The following LVRN variants were observed in gnomAD, a reference collection of about 807,000 sequenced individuals.
The protein encoded by LVRN is aminopeptidase Q.
Under a neutral mutation model 111.4 loss-of-function variants are expected in LVRN, and 99 were observed. The observed-to-expected ratio is 0.89, with a 90% CI of 0.76 to 1.05. The LOEUF (loss-of-function observed/expected upper bound fraction) is 1.05, where lower values mean the gene tolerates loss of function less well. Among genes scored for constraint, LVRN ranks in the 50% least tolerant of loss-of-function variants. The pLI is 0.00. For missense variants in LVRN, 1,414 were observed against 1,206.8 expected (o/e 1.17, Z -2.54); for synonymous variants, 488 against 449.5 (o/e 1.09, Z -1.08).
In LVRN at chr5:116,025,971, C is replaced by G. The variant is rs368071725; in HGVS notation, c.2833-7C>G. ...TGCACTGATCATCTGTCTCTCTGTC[C>G]TTCCAGCTGCAGCAGTTTTTCAGTA... is the stretch of plus-strand genomic sequence containing the variant. On this transcript the variant is annotated splice_polypyrimidine_tract_variant and splice_region_variant and intron_variant, in intron 19 of 19. Transcript: ENST00000357872. 6.2e-7 allele frequency: 1 copy of G among 1,613,404 alleles called. No individual in the cohort carries two copies. Among genetic ancestry groups the G allele is most frequent in the African/African-American group, 1.3e-5 (1 of 74,904 alleles).
intron 1 of LVRN, among the ~76,000 whole-genome samples, 165 bp downstream of exon 1, chr5:115,963,477 C>A (rs1316477110): frequency 6.6e-6 from 1 of 152,130 alleles, no homozygotes; most frequent in Admixed American, 6.6e-5. Context: ...TTTTATTATA[C>A]TTTAAGTTCT....
At chr5:115,975,337 G>A in intron 1 of LVRN, 1 of 281,936 alleles carries the variant, frequency 3.5e-6, no homozygotes, top group Middle Eastern at 7.3e-4. Flanking sequence ...TTTGGGAGTT[G>A]CCAATATGAT....
At chr5:116,000,714 A>C in intron 9 of LVRN, 56 bp downstream of exon 9, 1 of 1,573,962 alleles carries the variant, frequency 6.4e-7, no homozygotes, top group Non-Finnish European at 8.7e-7. Flanking sequence ...TGATACAGGA[A>C]AAGACTGGGA....
Position 116,010,843 on chromosome 5 carries a change from C to T in LVRN, c.2196C>T (p.Thr732=), listed in dbSNP as rs1174874859. Residue 732 remains threonine (T), a synonymous_variant, in exon 14 of 20, where the codon ACC becomes ACT. Coordinates refer to ENST00000357872, the MANE Select transcript of LVRN (RefSeq NM_173800.5). ...ATACAGTCTTGGTAAACTTGGTAAC[C>T]AGGGATCTTGTTTCTGAGGTGAACA... The part of the protein sequence containing the change: ...VWHTVLVNLV[T]RDLVSEVNIY... The T allele has an allele frequency of 1.2e-6, 2 of 1,611,302 alleles. No homozygotes were observed. The highest frequency in any genetic ancestry group is 1.1e-5 in the South Asian group (1 of 90,690).
At chr5:115,982,613 C>T (rs1395346808) in intron 1 of LVRN, among the ~76,000 whole-genome samples, 1 of 152,086 alleles carries the variant, frequency 6.6e-6, no homozygotes, top group Non-Finnish European at 1.5e-5. Context: ...GACGTCTTCT[C>T]GTCTGCTCGG....
intron 15 of LVRN, among the ~76,000 whole-genome samples, chr5:116,013,659 C>G (rs1748536957): frequency 6.6e-6 from 1 of 152,108 alleles, no homozygotes; most frequent in Non-Finnish European, 1.5e-5. Context: ...TCAGGCCAGG[C>G]TGGGTTGAAA....
rs761261020 is a variant in LVRN, at chr5:115,999,792, A to G, written c.1405A>G (p.Asn469Asp). The G allele has an allele frequency of 1.1e-5, 17 of 1,613,084 alleles. No homozygotes were observed. The South Asian group carries it at 1.2e-4, about 11-fold the overall frequency. ...NEIFFSNILH[N>D]ILREDHALVT... is the part of the protein sequence containing the mutation. ...GATCTTTTTTTCTAACATTTTACAT[A>G]ATATCCTCAGAGAAGATCACGCCCT... Residue 469 changes from asparagine (N) to aspartate (D), a missense_variant, in exon 7 of 20, where the codon AAT becomes GAT. Transcript: ENST00000357872.
chr5:115,966,089 T>G (rs572084431), intron 1 of LVRN, among the ~76,000 whole-genome samples: 1 of 152,238 alleles, frequency 6.6e-6, no homozygotes, highest in Non-Finnish European at 1.5e-5. Flanking sequence ...AATTTGACAT[T>G]GGTACTATGC....
intron 5 of LVRN, 138 bp from the exon 6 acceptor site, chr5:115,993,603 T>G: frequency 1.7e-6 from 1 of 604,200 alleles, no homozygotes; most frequent in Non-Finnish European, 2.9e-6. Flanking sequence ...TGGTGTCCTG[T>G]CTTCAAGTTT....
intron 18 of LVRN, among the ~76,000 whole-genome samples, chr5:116,018,939 C>T (rs1748658097): frequency 6.6e-6 from 1 of 152,078 alleles, no homozygotes; most frequent in African/African-American, 2.4e-5. Context: ...AGAGACACAA[C>T]CTCCCCCTCT....
At chr5:116,012,146 C>A (rs1748503789) in intron 14 of LVRN, among the ~76,000 whole-genome samples, 1 of 152,046 alleles carries the variant, frequency 6.6e-6, no homozygotes, top group South Asian at 2.1e-4. Flanking sequence ...CCTCATAATA[C>A]ACTGTAACAT....
chr5:115,966,641 T>C (rs1318047175), intron 1 of LVRN, among the ~76,000 whole-genome samples: 1 of 152,248 alleles, frequency 6.6e-6, no homozygotes, highest in Non-Finnish European at 1.5e-5. Flanking sequence ...GTGAACACAG[T>C]ATTTATTTCA....
rs1748473118 is a variant in LVRN, at chr5:116,010,804, A to T, written c.2157A>T (p.Glu719Asp). Reference sequence around the variant, plus strand: ...CCAAGTACCTTGCTGAAGAAGATGAAATTATAGTATGGCATACAGTCTTGG... The same window carrying T: ...CCAAGTACCTTGCTGAAGAAGATGATATTATAGTATGGCATACAGTCTTGG... ...ELTKYLAEED[E>D]IIVWHTVLVN... Residue 719 changes from glutamate to aspartate, a missense_variant, in exon 14 of 20, where the codon GAA (glutamate) becomes GAT (aspartate). Glu to Asp is a conservative substitution (Grantham distance 45). Transcript: ENST00000357872. The T allele has an allele frequency of 2.5e-6, 4 of 1,611,694 alleles. No homozygotes were observed. The highest frequency in any genetic ancestry group is 1.3e-5 in the African/African-American group (1 of 74,880).
Position 116,010,775 on chromosome 5 carries a change from T to C in LVRN, c.2128T>C (p.Leu710=). Residue 710 remains leucine (L), a synonymous_variant, in exon 14 of 20, where the codon TTA becomes CTA. Transcript: ENST00000357872. ...NYIEIETALE[L]TKYLAEEDEI... ...TATTGAGATTGAAACAGCACTTGAG[T>C]TAACCAAGTACCTTGCTGAAGAAGA... The C allele has an allele frequency of 6.2e-7, 1 of 1,606,360 alleles. No individual in the cohort carries two copies. The highest frequency in any genetic ancestry group is 8.5e-7 in the Non-Finnish European group (1 of 1,177,366).
intron 18 of LVRN, among the ~76,000 whole-genome samples, chr5:116,018,988 G>A (rs1024429091): frequency 6.6e-6 from 1 of 151,730 alleles, no homozygotes; most frequent in Non-Finnish European, 1.5e-5. Flanking sequence ...TTACAGTCAC[G>A]AGTTGATTAA....
At chr5:115,990,446 A>G (rs1197546080) in intron 4 of LVRN, among the ~76,000 whole-genome samples, 8 of 152,246 alleles carry the variant, frequency 5.3e-5, no homozygotes, top group African/African-American at 9.6e-5. Context: ...CTGTTTTGTC[A>G]GAGTTGTTTA....
intron 1 of LVRN, among the ~76,000 whole-genome samples, chr5:115,969,968 A>AT (rs915541920): frequency 2.6e-5 from 4 of 151,838 alleles, no homozygotes; most frequent in African/African-American, 9.7e-5. Flanking sequence ...CATCTCTGTC[A>AT]TTTTTTGTTT....
At chr5:115,983,224 T>A (rs184368499) in intron 1 of LVRN, 63 bp from the exon 2 acceptor site, 2 of 1,459,898 alleles carry the variant, frequency 1.4e-6, no homozygotes, top group East Asian at 2.5e-5. Flanking sequence ...CATCTCTCAA[T>A]GTTTTTTTAT....
At chr5:116,002,968 T>C (rs1356414390) in intron 11 of LVRN, 57 bp downstream of exon 11, 4 of 1,341,158 alleles carry the variant, frequency 3.0e-6, no homozygotes, top group South Asian at 1.3e-5. Context: ...AGGCAGGGAA[T>C]AAAATATTGA....
Sources: gnomAD v4.1 joint callset for allele counts (sites outside exome capture counted in the v4.1 genomes callset) on GRCh38, gnomAD v4.1.1 for gene constraint, MANE v1.5 for transcripts, NCBI Gene and HGNC (gene_info 2026-07-23, HGNC 2026-07-21) for gene names.